The following TRABD2A variants were observed in gnomAD, a reference collection of about 807,000 sequenced individuals.
TRABD2A encodes the protein metalloprotease TIKI1.
A neutral mutation model predicts 45.6 loss-of-function variants in TRABD2A; 43 were observed. The observed-to-expected ratio is 0.94, with a 90% CI of 0.74 to 1.22. TRABD2A has a LOEUF of 1.22. Among genes scored for constraint, TRABD2A ranks in the 50% most tolerant of loss-of-function variants. The pLI is 0.00. For synonymous variants in TRABD2A, 269 were observed against 265.0 expected (o/e 1.02, Z -0.15); for missense variants, 642 against 652.4 (o/e 0.98, Z 0.17).
intron 2 of TRABD2A, among the ~76,000 whole-genome samples, chr2:84,862,704 A>G (rs895061258): frequency 2.6e-5 from 4 of 152,188 alleles, no homozygotes; most frequent in Non-Finnish European, 5.9e-5. Context: ...TTGAATCCCC[A>G]AAATTAGAAA....
chr2:84,825,649 T>C (rs978986403), intron 5 of TRABD2A, among the ~76,000 whole-genome samples: 1 of 152,160 alleles, frequency 6.6e-6, no homozygotes, highest in Non-Finnish European at 1.5e-5. Flanking sequence ...GCCCCCATCA[T>C]GGCTCTCTAG....
intron 1 of TRABD2A, chr2:84,879,513 C>T: frequency 1.2e-6 from 1 of 858,248 alleles, no homozygotes; most frequent in Non-Finnish European, 1.4e-6. Flanking sequence ...TAAAGGAGTC[C>T]TGAGACCAAA....
chr2:84,860,308 T>C (rs1420687489), intron 2 of TRABD2A, among the ~76,000 whole-genome samples: 1 of 152,090 alleles, frequency 6.6e-6, no homozygotes, highest in Non-Finnish European at 1.5e-5. Context: ...TATTTGGAGA[T>C]AGAGCCTTTA....
chr2:84,874,266 AAC>A (rs986733144), intron 1 of TRABD2A, among the ~76,000 whole-genome samples: 1 of 152,198 alleles, frequency 6.6e-6, no homozygotes, highest in African/African-American at 2.4e-5. Flanking sequence ...TAAATTTAAA[AAC>A]ACACACACAC....
Position 84,830,730 on chromosome 2 carries a change from T to G in TRABD2A, c.1082+1325A>C, listed in dbSNP as rs918759281. Among the ~76,000 whole-genome samples the G allele has an allele frequency of 1.3e-5, 2 of 152,134 alleles. No individual in the cohort carries two copies. The highest frequency in any genetic ancestry group is 4.8e-5 in the African/African-American group (2 of 41,418). Reference sequence around the variant, plus strand: ...TACAGGGCATGAAGACAGGTGGGGATGAGAGAAGTCCAGGATGTATCCAGG... The same window carrying G: ...TACAGGGCATGAAGACAGGTGGGGAGGAGAGAAGTCCAGGATGTATCCAGG... On this transcript the variant is annotated intron_variant, in intron 5 of 6. Coordinates refer to ENST00000409520, the MANE Select transcript of TRABD2A (RefSeq NM_001277053.2). The surrounding 1 kb of genome is among the most constrained non-coding windows in gnomAD (Gnocchi z 4.9).
At chr2:84,875,964 G>T (rs1216243763) in intron 1 of TRABD2A, among the ~76,000 whole-genome samples, 4 of 151,144 alleles carry the variant, frequency 2.6e-5, no homozygotes, top group African/African-American at 9.8e-5. Context: ...CTGCACTCCT[G>T]CCTGGGCAAC....
intron 5 of TRABD2A, among the ~76,000 whole-genome samples, chr2:84,828,603 G>A (rs996348240): frequency 2.0e-5 from 3 of 152,044 alleles, no homozygotes; most frequent in Non-Finnish European, 4.4e-5. Flanking sequence ...GCTTCACCTG[G>A]GACCACTGTA....
intron 2 of TRABD2A, 36 bp from the exon 3 acceptor site, chr2:84,842,043 G>T: frequency 6.9e-7 from 1 of 1,444,120 alleles, no homozygotes; most frequent in Non-Finnish European, 9.1e-7. Context: ...CACTAACAAG[G>T]CAACTGTTTG....
intron 4 of TRABD2A, chr2:84,837,866 T>C (rs1489425386): frequency 5.0e-6 from 1 of 201,070 alleles, no homozygotes; most frequent in African/African-American, 2.3e-5. Flanking sequence ...TGTGACTCTC[T>C]AGGAATATTT....
At position 84,824,074 on chromosome 2, in the gene TRABD2A, G is replaced by C. The variant is rs530598165; in HGVS notation, c.1213C>G (p.Arg405Gly). Reference protein sequence around the residue: ...GHSTLPPLVSRPGSADTPSEA... With the variant: ...GHSTLPPLVSGPGSADTPSEA... ...CTGGGCGTGTCGGCACTTCCAGGCC[G>C]GGACACAAGGGGAGGCAGCGTTGAG... Residue 405 changes from arginine (R) to glycine (G), a missense_variant, in exon 6 of 7, where the codon CGG becomes GGG. Arg to Gly is a moderately radical substitution (Grantham distance 125). Transcript: ENST00000409520. 1.1e-5 allele frequency: 18 copies of C among 1,613,794 alleles called. No homozygotes were observed. The highest frequency in any genetic ancestry group is 8.5e-6 in the Non-Finnish European group (10 of 1,179,790).
intron 2 of TRABD2A, among the ~76,000 whole-genome samples, chr2:84,859,038 C>T (rs536797282): frequency 2.0e-5 from 3 of 152,286 alleles, no homozygotes; most frequent in Non-Finnish European, 4.4e-5. Context: ...AAGGTCTCTG[C>T]CCCCACAGCC....
At chr2:84,869,251 C>T (rs1233946874) in intron 2 of TRABD2A, among the ~76,000 whole-genome samples, 1 of 152,192 alleles carries the variant, frequency 6.6e-6, no homozygotes, top group Non-Finnish European at 1.5e-5. Context: ...CTCAACGTGA[C>T]CCAATGAGAA....
chr2:84,872,987 C>T (rs11680731), intron 1 of TRABD2A, among the ~76,000 whole-genome samples: 3,913 of 151,892 alleles, frequency 0.026, 83 homozygotes, highest in South Asian at 0.057. Flanking sequence ...TGGTGGCCTG[C>T]GCCTGTAGTC....
chr2:84,861,131 G>A (rs1021073165), intron 2 of TRABD2A, among the ~76,000 whole-genome samples: 11 of 152,158 alleles, frequency 7.2e-5, no homozygotes, highest in African/African-American at 2.4e-4. Context: ...GAGGCCAATA[G>A]GGCTTTACCT....
chr2:84,832,257 T>A, intron 4 of TRABD2A, 112 bp from the exon 5 acceptor site: 3 of 1,078,800 alleles, frequency 2.8e-6, no homozygotes, highest in Non-Finnish European at 4.2e-6. Flanking sequence ...CCTGCCTATC[T>A]GTCCAGCACA....
intron 2 of TRABD2A, among the ~76,000 whole-genome samples, chr2:84,864,231 T>A (rs1682598491): frequency 6.6e-6 from 1 of 152,152 alleles, no homozygotes; most frequent in Non-Finnish European, 1.5e-5. Flanking sequence ...CCCTGGCCCA[T>A]CCTGTGGAAC....
At chr2:84,854,845 C>T (rs946822431) in intron 2 of TRABD2A, among the ~76,000 whole-genome samples, 4 of 152,182 alleles carry the variant, frequency 2.6e-5, no homozygotes, top group African/African-American at 9.7e-5. Context: ...CTTGCCCCCC[C>T]AGAGATCATG....
At chr2:84,858,759 T>C (rs561313405) in intron 2 of TRABD2A, among the ~76,000 whole-genome samples, 79 of 152,296 alleles carry the variant, frequency 5.2e-4, no homozygotes, top group African/African-American at 1.8e-3. Flanking sequence ...CATGGTTCCA[T>C]AGTGTAACAG....
intron 1 of TRABD2A, among the ~76,000 whole-genome samples, chr2:84,876,233 C>A (rs934988172): frequency 6.6e-6 from 1 of 152,096 alleles, no homozygotes; most frequent in African/African-American, 2.4e-5. Context: ...AAGATGAGGG[C>A]ATCATCACCA....
Sources: gnomAD v4.1 joint callset for allele counts (sites outside exome capture counted in the v4.1 genomes callset) on GRCh38, gnomAD v4.1.1 for gene constraint, Gnocchi (gnomAD v3.1) non-coding constraint, MANE v1.5 for transcripts, NCBI Gene and HGNC (gene_info 2026-07-23, HGNC 2026-07-21) for gene names.